MYO9A: variants seen among roughly 807,000 people sequenced by gnomAD.
The protein encoded by MYO9A is unconventional myosin-IXa.
A neutral mutation model predicts 293.3 loss-of-function variants in MYO9A; 103 were observed. The observed-to-expected ratio is 0.35, with a 90% CI of 0.30 to 0.41. The LOEUF (loss-of-function observed/expected upper bound fraction) is 0.41, where lower values mean the gene tolerates loss of function less well. MYO9A is among the 10% of genes least tolerant of loss of function. MYO9A has a pLI of 1.00. For synonymous variants in MYO9A, 1,001 were observed against 1,035.7 expected, an observed-to-expected ratio of 0.97 and a Z score of 0.64; for missense variants, 2,685 against 3,033.0, an observed-to-expected ratio of 0.89 and a Z score of 2.69.
chr15:71,843,918 C>G (rs1398077710), intron 39 of MYO9A, among the ~76,000 whole-genome samples: 1 of 152,184 alleles, frequency 6.6e-6, no homozygotes, highest in East Asian at 1.9e-4. Context: ...GTACTAAACT[C>G]TGAGACTTTG....
At chr15:71,930,648 A>G (rs1567285577) in intron 18 of MYO9A, among the ~76,000 whole-genome samples, 1 of 152,128 alleles carries the variant, frequency 6.6e-6, no homozygotes, top group East Asian at 1.9e-4. Context: ...TTTTTAATGC[A>G]TTCAGGCACT....
intron 1 of MYO9A, among the ~76,000 whole-genome samples, chr15:72,085,681 G>A (rs2079696459): frequency 6.6e-6 from 1 of 152,174 alleles, no homozygotes; most frequent in African/African-American, 2.4e-5. Flanking sequence ...GTGGTTGTCT[G>A]GAGAAAAGAA....
chr15:71,875,815 T>C lies in MYO9A; in HGVS notation c.5955A>G (p.Lys1985=). Residue 1985 remains lysine (K), a synonymous_variant, in exon 32 of 42, where the codon AAA becomes AAG. Transcript: ENST00000356056. ...ATKVPKTERK[K]RRKKETDLVE... Reference sequence around the variant, plus strand: ...CCAAATCAGTTTCCTTTTTCCTTCTTTTCTTTCTTTCTGTTTTTGGCACCT... The same window carrying C: ...CCAAATCAGTTTCCTTTTTCCTTCTCTTCTTTCTTTCTGTTTTTGGCACCT... The C allele has an allele frequency of 1.5e-6, 2 of 1,368,146 alleles. No homozygotes were observed. Among genetic ancestry groups the C allele is most frequent in the Admixed American group, 3.4e-5 (1 of 29,422 alleles). The allele number at this position is 1,368,146 out of a possible 1,614,324, so 84.8% of individuals were successfully genotyped here.
At chr15:71,828,338 T>C (rs558737350) in intron 40 of MYO9A, among the ~76,000 whole-genome samples, 2 of 152,328 alleles carry the variant, frequency 1.3e-5, no homozygotes, top group South Asian at 4.1e-4. Flanking sequence ...ATCAGGGCTC[T>C]AACCTTGTTC....
rs1476602559 is a variant in MYO9A at position 71,854,675 on chromosome 15, G to A, written c.6154-106C>T. 4.6e-6 allele frequency: 4 copies of A among 860,850 alleles called. No individual in the cohort carries two copies. In the African/African-American group the frequency reaches 5.2e-5, roughly 11 times the overall value. The allele number at this position is 860,850 out of a possible 1,614,324, so 53.3% of individuals were successfully genotyped here. ...CTTTTTTATTTCTCTGAAGTTTTAT[G>A]AGCATAGTTAGAAGAGTTGGGAGAA... is the stretch of plus-strand genomic sequence containing the variant. On this transcript the variant is annotated intron_variant, in intron 34 of 41. Transcript: ENST00000356056.
At chr15:72,063,473 G>A (rs1335935683) in intron 1 of MYO9A, among the ~76,000 whole-genome samples, 1 of 152,104 alleles carries the variant, frequency 6.6e-6, no homozygotes, top group Non-Finnish European at 1.5e-5. Flanking sequence ...CTCACAGAAT[G>A]GGAGAAAATA....
At chr15:71,993,258 G>A (rs1246325059) in intron 10 of MYO9A, among the ~76,000 whole-genome samples, 3 of 152,080 alleles carry the variant, frequency 2.0e-5, no homozygotes, top group African/African-American at 7.2e-5. Context: ...GCTGAGGCAG[G>A]AGAATCACTT....
chr15:71,857,530 T>A (rs1221467613), intron 34 of MYO9A, among the ~76,000 whole-genome samples: 8 of 152,172 alleles, frequency 5.3e-5, no homozygotes, highest in Non-Finnish European at 2.9e-5. Flanking sequence ...GTATCTGTAC[T>A]TCTGTCACTA....
intron 11 of MYO9A, among the ~76,000 whole-genome samples, chr15:71,979,954 G>A (rs1428048519): frequency 6.6e-6 from 1 of 152,148 alleles, no homozygotes; most frequent in Non-Finnish European, 1.5e-5. Context: ...TAAACTTTGA[G>A]AATCACTGCT....
intron 1 of MYO9A, among the ~76,000 whole-genome samples, chr15:72,091,931 T>C (rs927993807): frequency 1.3e-5 from 2 of 152,164 alleles, no homozygotes; most frequent in African/African-American, 4.8e-5. Flanking sequence ...TTAGCCACGA[T>C]GATCTCGATC....
At chr15:71,906,758 C>CTTTTTTTTTT (rs71131714) in intron 19 of MYO9A, among the ~76,000 whole-genome samples, 5 of 61,028 alleles carry the variant, frequency 8.2e-5, no homozygotes, top group East Asian at 3.5e-4. Context: ...CCATTTCTTT[C>CTTTTTTTTTT]TTTTTTTTTT....
chr15:72,015,683 G>GTT lies in MYO9A; in HGVS notation c.1155+3354_1155+3355dup, dbSNP rs10708457. ...TTTACATTGAAGTTACTCAGATCAG[G>GTT]TTTTTTTTTTTTTTTTTTTTTTGAG... On this transcript the variant is annotated intron_variant, in intron 6 of 41. Coordinates refer to ENST00000356056, the MANE Select transcript of MYO9A (RefSeq NM_006901.4). Among the ~76,000 whole-genome samples, 269 of 113,446 alleles carry GTT rather than the reference G, an allele frequency of 2.4e-3. 1 individual carries two copies. The highest frequency in any genetic ancestry group is 5.0e-3 in the Middle Eastern group (1 of 202). The allele number at this position is 113,446 out of a possible 152,430, so 74.4% of individuals were successfully genotyped here.
intron 25 of MYO9A, among the ~76,000 whole-genome samples, chr15:71,894,391 A>C (rs1863875956): frequency 6.6e-6 from 1 of 152,172 alleles, no homozygotes; most frequent in African/African-American, 2.4e-5. Context: ...AGCGTGGTCA[A>C]CATGGCAAAA....
intron 12 of MYO9A, among the ~76,000 whole-genome samples, chr15:71,971,648 C>T (rs1040152705): frequency 1.9e-4 from 28 of 150,152 alleles, no homozygotes; most frequent in Non-Finnish European, 3.8e-4. Flanking sequence ...TTGCTGTTTA[C>T]AAACACCTTA....
chr15:71,981,641 GTCTCTCTCTCTC>G (rs142432028), intron 11 of MYO9A, among the ~76,000 whole-genome samples: 5 of 144,396 alleles, frequency 3.5e-5, no homozygotes, highest in South Asian at 4.5e-4. Flanking sequence ...TCTCTGTCTT[GTCTCTCTCTCTC>G]TCTCTCTCTC....
intron 1 of MYO9A, among the ~76,000 whole-genome samples, chr15:72,101,291 T>C (rs1249609646): frequency 2.1e-5 from 1 of 47,664 alleles, no homozygotes; most frequent in African/African-American, 8.8e-5. Flanking sequence ...GGGAGGGAGG[T>C]GGGTTCAGCC....
At chr15:71,839,417 TC>T in intron 39 of MYO9A, among the ~76,000 whole-genome samples, 1 of 151,860 alleles carries the variant, frequency 6.6e-6, no homozygotes, top group South Asian at 2.1e-4. Flanking sequence ...TTTCTTTCTT[TC>T]TTTCTTTAAA....
chr15:71,883,794 G>A (rs931513376), intron 27 of MYO9A, 58 bp from the exon 28 acceptor site: 10 of 1,430,114 alleles, frequency 7.0e-6, no homozygotes, highest in African/African-American at 4.3e-5. Flanking sequence ...GATAATATTT[G>A]TATATATCAC....
In MYO9A at chr15:71,826,528, G is replaced by C; in HGVS notation, c.*52C>G. The C allele has an allele frequency of 6.7e-7, 1 of 1,498,430 alleles. No individual in the cohort carries two copies. Among genetic ancestry groups the C allele is most frequent in the South Asian group, 1.3e-5 (1 of 74,582 alleles). 92.8% of individuals were successfully genotyped at this position (1,498,430 alleles called of 1,614,324 possible). A position where few individuals can be genotyped will look rare whatever the true frequency, so the allele number is the denominator to read the frequency against. ...CGAGGTGATGAAACGCAGCCCCAAA[G>C]GTGAGATTTGTTTACCACTCTGTAG... On this transcript the variant is annotated 3_prime_UTR_variant, in exon 42 of 42. Transcript: ENST00000356056.
Sources: gnomAD v4.1 joint callset for allele counts (sites outside exome capture counted in the v4.1 genomes callset) on GRCh38, gnomAD v4.1.1 for gene constraint, MANE v1.5 for transcripts, NCBI Gene and HGNC (gene_info 2026-07-23, HGNC 2026-07-21) for gene names.